GTF3C1: variants seen among roughly 807,000 people sequenced by gnomAD.
The protein encoded by GTF3C1 is general transcription factor IIIC subunit 1, also known as general transcription factor 3C polypeptide 1.
A neutral mutation model predicts 226.7 loss-of-function variants in GTF3C1; 57 were observed. The ratio of observed to expected loss-of-function variants is 0.25; its 90% CI spans 0.20 to 0.31. GTF3C1 has a LOEUF of 0.31. GTF3C1 is among the 10% of genes least tolerant of loss of function. GTF3C1 has a pLI of 1.00. For synonymous variants in GTF3C1, 1,090 were observed against 1,084.8 expected, an observed-to-expected ratio of 1.00 and a Z score of -0.09; for missense variants, 2,217 against 2,776.1, an observed-to-expected ratio of 0.80 and a Z score of 4.53.
rs148433438 is a variant in GTF3C1, at chr16:27,501,287, G to A, written c.1965C>T (p.Cys655=). The part of the protein sequence containing the change: ...EKQEGVSTKC[C]KKSIVRLVRN... ...GCACCAAGCGGACAATGGACTTCTT[G>A]CAGCACTTGGTGGACACGCCTTCCT... is the stretch of plus-strand genomic sequence containing the variant. Residue 655 remains cysteine (C), a synonymous_variant, in exon 12 of 37, where the codon TGC becomes TGT. Coordinates refer to ENST00000356183, the MANE Select transcript of GTF3C1 (RefSeq NM_001520.4). The A allele has an allele frequency of 1.3e-4, 202 of 1,613,790 alleles. No homozygotes were observed. Among genetic ancestry groups the A allele is most frequent in the Non-Finnish European group, 1.6e-4 (191 of 1,179,794 alleles).
chr16:27,502,532 C>T (rs969254854), intron 11 of GTF3C1, among the ~76,000 whole-genome samples: 1 of 152,174 alleles, frequency 6.6e-6, no homozygotes, highest in African/African-American at 2.4e-5. Context: ...CTCCATAGCC[C>T]TTCTGAAGCA....
Position 27,495,442 on chromosome 16 carries a change from G to A in GTF3C1, c.2401C>T (p.Arg801Trp), listed in dbSNP as rs1205133504. Reference sequence around the variant, plus strand: ...TACCACAGAAACATGTGGACCACCCGCAGGCGAGGCATTTTGGGCAGAAAT... The same window carrying A: ...TACCACAGAAACATGTGGACCACCCACAGGCGAGGCATTTTGGGCAGAAAT... ...LGFLPKMPRL[R>W]VVHMFLWYLI... Residue 801 changes from arginine to tryptophan, a missense_variant, in exon 15 of 37, where the codon CGG (arginine) becomes TGG (tryptophan). Coordinates refer to ENST00000356183, the MANE Select transcript of GTF3C1 (RefSeq NM_001520.4). 6 of 1,613,966 alleles carry A rather than the reference G, an allele frequency of 3.7e-6. No individual in the cohort carries two copies. Among genetic ancestry groups the A allele is most frequent in the Non-Finnish European group, 1.7e-6 (2 of 1,179,914 alleles).
At position 27,505,965 on chromosome 16, in the gene GTF3C1, G is replaced by T. The variant is rs2088478041; in HGVS notation, c.1704C>A (p.Ser568=). Residue 568 remains serine (S), a synonymous_variant, in exon 10 of 37, where the codon TCC becomes TCA. Coordinates refer to ENST00000356183, the MANE Select transcript of GTF3C1 (RefSeq NM_001520.4). ...CACCACTGTTGCTGTCCGCACAGTGGGAGACAAAGGACACGTTGGGTTCTG... is the reference window on the plus strand; with the variant it reads ...CACCACTGTTGCTGTCCGCACAGTGTGAGACAAAGGACACGTTGGGTTCTG... ...SVSEPNVSFV[S]HCADSNSGDI... 2 of 1,613,620 alleles carry T rather than the reference G, an allele frequency of 1.2e-6. No individual in the cohort carries two copies. The highest frequency in any genetic ancestry group is 2.7e-5 in the African/African-American group (2 of 75,046).
chr16:27,521,877 A>C (rs2088755770), intron 6 of GTF3C1, among the ~76,000 whole-genome samples: 1 of 150,722 alleles, frequency 6.6e-6, no homozygotes, highest in South Asian at 2.1e-4. Flanking sequence ...TGTTTTTCTA[A>C]TCTTGATTCT....
At chr16:27,468,951 G>A (rs1567384467) in intron 32 of GTF3C1, among the ~76,000 whole-genome samples, 1 of 152,186 alleles carries the variant, frequency 6.6e-6, no homozygotes, top group Non-Finnish European at 1.5e-5. Context: ...TAGAGCCCGG[G>A]CAGTGACAGG....
At chr16:27,486,467 T>C (rs1272847596) in intron 23 of GTF3C1, among the ~76,000 whole-genome samples, 1 of 152,210 alleles carries the variant, frequency 6.6e-6, no homozygotes, top group Admixed American at 6.5e-5. Context: ...CAGAGTCCTT[T>C]GAAGGCATCT....
In GTF3C1 at chr16:27,488,357, G is replaced by T; in HGVS notation, c.3570C>A (p.Gly1190=). 1.2e-6 allele frequency: 2 copies of T among 1,613,788 alleles called. No homozygotes were observed. Among genetic ancestry groups the T allele is most frequent in the Non-Finnish European group, 1.7e-6 (2 of 1,179,674 alleles). ...GGTCCACCTCAAACTGCTCTTCCCAGCCAGCACAGAGCTCGGAGCCTACTC... is the reference window on the plus strand; with the variant it reads ...GGTCCACCTCAAACTGCTCTTCCCATCCAGCACAGAGCTCGGAGCCTACTC... ...EARVGSELCA[G]WEEQFEVDRE... is the part of the protein sequence containing the mutation. The change falls in exon 23 of 37, where the codon GGC becomes GGA. Residue 1190 remains glycine (G), a synonymous_variant. Coordinates refer to ENST00000356183, the MANE Select transcript of GTF3C1 (RefSeq NM_001520.4).
chr16:27,469,803 C>A lies in GTF3C1; in HGVS notation c.4815-253G>T, dbSNP rs1015962743. The stretch of plus-strand genomic sequence containing the variant: ...ACTGTTCCTTTTGCCCGTCTCTCAG[C>A]CCAGAAAACACCCATTTCCCCAGGA... On this transcript the variant is annotated intron_variant, in intron 31 of 36. Transcript: ENST00000356183. The surrounding 1 kb of genome is among the most constrained non-coding windows in gnomAD (Gnocchi z 4.5). 6.6e-6 allele frequency among the ~76,000 whole-genome samples: 1 copy of A among 152,190 alleles called. No homozygotes were observed. The highest frequency in any genetic ancestry group is 1.5e-5 in the Non-Finnish European group (1 of 68,038).
chr16:27,488,800 C>G (rs2088184416), intron 21 of GTF3C1, among the ~76,000 whole-genome samples, 165 bp from the exon 22 acceptor site: 1 of 152,238 alleles, frequency 6.6e-6, no homozygotes, highest in African/African-American at 2.4e-5. Flanking sequence ...CTCATGCACT[C>G]CCTCCTGGAG....
At chr16:27,518,645 T>C (rs2088699108) in intron 6 of GTF3C1, among the ~76,000 whole-genome samples, 2 of 152,196 alleles carry the variant, frequency 1.3e-5, no homozygotes, top group South Asian at 4.1e-4. Context: ...CAACCATTTC[T>C]TCTGTGCTGG....
Position 27,495,921 on chromosome 16 carries a change from G to C in GTF3C1, c.2351-429C>G, listed in dbSNP as rs144478498. Among the ~76,000 whole-genome samples the C allele has an allele frequency of 3.2e-4, 48 of 152,346 alleles. 1 individual carries two copies. Among genetic ancestry groups the C allele is most frequent in the African/African-American group, 8.7e-4 (36 of 41,580 alleles). ...AAGGAAGCAGAGTGCAGCACCTGCGGCAGGAGGGCAATCGAGCAGGGAACC... is the reference window on the plus strand; with the variant it reads ...AAGGAAGCAGAGTGCAGCACCTGCGCCAGGAGGGCAATCGAGCAGGGAACC... On this transcript the variant is annotated intron_variant, in intron 14 of 36. Coordinates refer to ENST00000356183, the MANE Select transcript of GTF3C1 (RefSeq NM_001520.4).
chr16:27,512,725 T>C (rs866317293), intron 6 of GTF3C1, among the ~76,000 whole-genome samples: 1 of 152,318 alleles, frequency 6.6e-6, no homozygotes, highest in South Asian at 2.1e-4. Flanking sequence ...GATATACGTA[T>C]ATGTAGGTAA....
intron 2 of GTF3C1, among the ~76,000 whole-genome samples, 177 bp downstream of exon 2, chr16:27,545,137 C>T (rs1390742705): frequency 2.6e-5 from 4 of 152,086 alleles, no homozygotes; most frequent in Non-Finnish European, 4.4e-5. Flanking sequence ...CCACCACACC[C>T]GGCTAATTTT....
intron 16 of GTF3C1, among the ~76,000 whole-genome samples, 166 bp downstream of exon 16, chr16:27,494,597 T>C (rs146367702): frequency 1.5e-4 from 23 of 152,200 alleles, no homozygotes; most frequent in African/African-American, 5.3e-4. Context: ...AACAAATCCT[T>C]AAAATATTTT....
chr16:27,488,189 A>C, intron 23 of GTF3C1, 38 bp downstream of exon 23: 1 of 1,573,086 alleles, frequency 6.4e-7, no homozygotes, highest in Non-Finnish European at 8.7e-7. Context: ...GCCAAAACAA[A>C]GACAAGGCCC....
At chr16:27,478,702 G>C (rs1314615777) in intron 27 of GTF3C1, 171 bp from the exon 28 acceptor site, 3 of 616,038 alleles carry the variant, frequency 4.9e-6, no homozygotes, top group Non-Finnish European at 8.8e-6. Flanking sequence ...AATATACCCT[G>C]TCCTGCCTGT....
At position 27,541,212 on chromosome 16, in the gene GTF3C1, C is replaced by T. The variant is rs555687212; in HGVS notation, c.432-2856G>A. 1.8e-4 allele frequency among the ~76,000 whole-genome samples: 27 copies of T among 152,248 alleles called. 2 individuals carry two copies. The South Asian group carries it at 5.2e-3, about 29-fold the overall frequency. ...TAAGGGGAAGGATGCAGAAGCTGCA[C>T]GGTTACAGAGGCATGAAGAAGCATG... is the stretch of plus-strand genomic sequence containing the variant. On this transcript the variant is annotated intron_variant, in intron 2 of 36. Coordinates refer to ENST00000356183, the MANE Select transcript of GTF3C1 (RefSeq NM_001520.4).
intron 2 of GTF3C1, among the ~76,000 whole-genome samples, chr16:27,543,278 C>T (rs2089115407): frequency 6.6e-6 from 1 of 152,198 alleles, no homozygotes; most frequent in East Asian, 1.9e-4. Context: ...CCCAGCTACT[C>T]GGGAGGCTGA....
intron 1 of GTF3C1, among the ~76,000 whole-genome samples, chr16:27,547,017 C>T (rs566521972): frequency 1.3e-5 from 2 of 152,276 alleles, no homozygotes; most frequent in Admixed American, 1.3e-4. Flanking sequence ...GCTGGGATTA[C>T]AGGCATGATT....
Sources: gnomAD v4.1 joint callset for allele counts (sites outside exome capture counted in the v4.1 genomes callset) on GRCh38, gnomAD v4.1.1 for gene constraint, Gnocchi (gnomAD v3.1) non-coding constraint, MANE v1.5 for transcripts, NCBI Gene and HGNC (gene_info 2026-07-23, HGNC 2026-07-21) for gene names.